Variants in AUH observed in about 807,000 individuals in gnomAD.
AUH encodes methylglutaconyl-CoA hydratase, mitochondrial.
A neutral mutation model predicts 42.3 loss-of-function variants in AUH; 29 were observed. The observed-to-expected ratio is 0.69, with a 90% CI of 0.51 to 0.93. AUH has a LOEUF of 0.93. AUH is among the 40% of genes least tolerant of loss of function. AUH has a pLI of 0.00. For missense variants in AUH, 452 were observed against 438.1 expected, an observed-to-expected ratio of 1.03 and a Z score of -0.28; for synonymous variants, 174 against 166.4, an observed-to-expected ratio of 1.05 and a Z score of -0.35.
intron 6 of AUH, among the ~76,000 whole-genome samples, chr9:91,267,256 A>G (rs1830024747): frequency 6.6e-6 from 1 of 152,230 alleles, no homozygotes; most frequent in African/African-American, 2.4e-5. Flanking sequence ...ACTTTGCAAT[A>G]CAGATACTAT....
chr9:91,296,626 T>C (rs1278736776), intron 5 of AUH, among the ~76,000 whole-genome samples: 1 of 152,248 alleles, frequency 6.6e-6, no homozygotes, highest in Admixed American at 6.5e-5. Context: ...ATAACTTCTT[T>C]ATTTGCATAT....
At chr9:91,293,464 G>A (rs761742568) in intron 6 of AUH, among the ~76,000 whole-genome samples, 24 of 152,228 alleles carry the variant, frequency 1.6e-4, no homozygotes, top group South Asian at 2.1e-4. Flanking sequence ...TTAGTGGTCC[G>A]TAAAGAAGAT....
intron 6 of AUH, 94 bp from the exon 7 acceptor site, chr9:91,221,086 G>C (rs1366158195): frequency 7.2e-7 from 1 of 1,394,366 alleles, no homozygotes; most frequent in Non-Finnish European, 1.0e-6. Flanking sequence ...AAATAAACCA[G>C]GGCCAGAAGT....
At chr9:91,304,600 A>T (rs1243523846) in intron 4 of AUH, among the ~76,000 whole-genome samples, 2 of 152,216 alleles carry the variant, frequency 1.3e-5, no homozygotes, top group East Asian at 3.8e-4. Context: ...ACACAAAATG[A>T]CAAGAAATTT....
intron 6 of AUH, among the ~76,000 whole-genome samples, chr9:91,224,429 G>A (rs543120298): frequency 3.3e-5 from 5 of 152,256 alleles, no homozygotes; most frequent in African/African-American, 1.2e-4. Context: ...TCTGTTGATA[G>A]TGCCTGATGC....
chr9:91,285,496 A>G (rs1019442863), intron 6 of AUH, among the ~76,000 whole-genome samples: 11 of 152,120 alleles, frequency 7.2e-5, no homozygotes, highest in African/African-American at 2.6e-4. Flanking sequence ...CAGAAGCCAC[A>G]CTGTTTTTCT....
intron 3 of AUH, among the ~76,000 whole-genome samples, chr9:91,340,237 C>T (rs1831005571): frequency 6.6e-6 from 1 of 152,094 alleles, no homozygotes; most frequent in Non-Finnish European, 1.5e-5. Flanking sequence ...CAAAACCACA[C>T]TGAATAAGAA....
chr9:91,283,675 A>G (rs1587767034), intron 6 of AUH, among the ~76,000 whole-genome samples: 1 of 151,496 alleles, frequency 6.6e-6, no homozygotes. Context: ...ATAACAGACA[A>G]ACAGAGAGCC....
rs138485023 is a variant in AUH at position 91,254,504 on chromosome 9, T to C, written c.656-33512A>G. Among the ~76,000 whole-genome samples the C allele has an allele frequency of 2.2e-3, 333 of 152,340 alleles. 1 individual carries two copies. The highest frequency in any genetic ancestry group is 3.4e-3 in the Middle Eastern group (1 of 294). On this transcript the variant is annotated intron_variant, in intron 6 of 9. Coordinates refer to ENST00000375731, the MANE Select transcript of AUH (RefSeq NM_001698.3). Reference sequence around the variant, plus strand: ...GTAAAGTTCATTTAGCAATCATGGATATAAATGTATGGAGGATAGAATTCC... The same window carrying C: ...GTAAAGTTCATTTAGCAATCATGGACATAAATGTATGGAGGATAGAATTCC...
intron 4 of AUH, among the ~76,000 whole-genome samples, chr9:91,315,438 T>G (rs1010885534): frequency 6.6e-6 from 1 of 152,224 alleles, no homozygotes; most frequent in African/African-American, 2.4e-5. Flanking sequence ...CAGCATACAT[T>G]CCTGTTCCCT....
In AUH at chr9:91,361,665, G is replaced by C; in HGVS notation, c.225C>G (p.Asp75Glu). The C allele has an allele frequency of 6.3e-7, 1 of 1,581,560 alleles. No individual in the cohort carries two copies. The highest frequency in any genetic ancestry group is 8.6e-7 in the Non-Finnish European group (1 of 1,164,028). ...RGYSSEMKTE[D>E]ELRVRHLEEE... ...CCTCCAGGTGCCGCACCCGCAGCTC[G>C]TCCTCCGTCTTCATCTCAGAGCTGT... The change falls in exon 1 of 10, where the codon GAC (aspartate) becomes GAG (glutamate). Residue 75 changes from aspartate (D) to glutamate (E), a missense_variant. Coordinates refer to ENST00000375731, the MANE Select transcript of AUH (RefSeq NM_001698.3).
At chr9:91,359,035 G>A (rs1476740828) in intron 1 of AUH, among the ~76,000 whole-genome samples, 1 of 152,070 alleles carries the variant, frequency 6.6e-6, no homozygotes, top group Non-Finnish European at 1.5e-5. Flanking sequence ...ACCAAACTCA[G>A]AAAAGCTTAG....
chr9:91,334,339 C>T (rs1357680141), intron 3 of AUH, among the ~76,000 whole-genome samples: 1 of 151,088 alleles, frequency 6.6e-6, no homozygotes, highest in African/African-American at 2.4e-5. Flanking sequence ...TGCAAAGAAG[C>T]AGCCCTTCCC....
At chr9:91,287,538 T>C (rs1826514928) in intron 6 of AUH, among the ~76,000 whole-genome samples, 2 of 152,134 alleles carry the variant, frequency 1.3e-5, no homozygotes, top group Admixed American at 1.3e-4. Context: ...CATGTTAATA[T>C]TTGAGGAAGC....
chr9:91,324,836 C>G (rs886352727), intron 4 of AUH, among the ~76,000 whole-genome samples: 3 of 150,658 alleles, frequency 2.0e-5, no homozygotes, highest in Non-Finnish European at 4.4e-5. Flanking sequence ...GTATTCACTA[C>G]CTTATTATAA....
chr9:91,306,043 G>C (rs1017446564), intron 4 of AUH, among the ~76,000 whole-genome samples: 3 of 152,162 alleles, frequency 2.0e-5, no homozygotes, highest in Admixed American at 6.5e-5. Context: ...CAGTTCACTG[G>C]GTTCAACTGG....
At chr9:91,284,685 C>G (rs953275675) in intron 6 of AUH, among the ~76,000 whole-genome samples, 2 of 151,814 alleles carry the variant, frequency 1.3e-5, no homozygotes, top group African/African-American at 4.8e-5. Flanking sequence ...AAAAGACATT[C>G]ATGCAGCCAA....
intron 4 of AUH, among the ~76,000 whole-genome samples, chr9:91,318,868 T>C (rs1303885059): frequency 6.6e-6 from 1 of 152,036 alleles, no homozygotes; most frequent in East Asian, 1.9e-4. Flanking sequence ...CTGTCCACTT[T>C]CCCCCTTGCT....
chr9:91,266,346 T>C (rs1044775310), intron 6 of AUH, among the ~76,000 whole-genome samples: 1 of 150,270 alleles, frequency 6.7e-6, no homozygotes, highest in Admixed American at 6.6e-5. Context: ...TGGGTAACAG[T>C]GTGAGACTCC....
Sources: allele counts gnomAD v4.1 joint callset (sites outside exome capture counted in the v4.1 genomes callset), GRCh38; gene constraint gnomAD v4.1.1; transcripts MANE v1.5; gene names NCBI Gene and HGNC (gene_info 2026-07-23, HGNC 2026-07-21).